MAP2K5: variants seen among roughly 807,000 people sequenced by gnomAD.
MAP2K5 encodes dual specificity mitogen-activated protein kinase kinase 5.
MAP2K5 carries 49 observed loss-of-function variants against 83.1 expected under a neutral mutation model. The ratio of observed to expected loss-of-function variants is 0.59; its 90% CI spans 0.47 to 0.75. The LOEUF is 0.75. Among genes scored for constraint, MAP2K5 ranks in the 30% least tolerant of loss-of-function variants. The pLI, the probability that MAP2K5 is intolerant of heterozygous loss-of-function variation, is 0.00. For missense variants in MAP2K5, 457 were observed against 557.5 expected (o/e 0.82, Z 1.82); for synonymous variants, 202 against 191.8 (o/e 1.05, Z -0.44).
intron 9 of MAP2K5, among the ~76,000 whole-genome samples, chr15:67,645,998 C>G (rs1246179435): frequency 6.6e-6 from 1 of 152,066 alleles, no homozygotes; most frequent in African/African-American, 2.4e-5. Context: ...ACCTTTGAGA[C>G]CTGGCTTTTT....
chr15:67,714,847 T>C (rs2088792593), intron 16 of MAP2K5, among the ~76,000 whole-genome samples: 1 of 152,172 alleles, frequency 6.6e-6, no homozygotes, highest in Non-Finnish European at 1.5e-5. Context: ...GTAAGTATAA[T>C]GCAAACATTT....
At chr15:67,721,536 G>C (rs940418276) in intron 16 of MAP2K5, among the ~76,000 whole-genome samples, 2 of 152,184 alleles carry the variant, frequency 1.3e-5, no homozygotes, top group Non-Finnish European at 2.9e-5. Flanking sequence ...TGCACTAGAA[G>C]TCTATGAGGT....
intron 11 of MAP2K5, among the ~76,000 whole-genome samples, chr15:67,653,416 G>T (rs1387767760): frequency 1.3e-5 from 2 of 151,912 alleles, no homozygotes; most frequent in African/African-American, 4.8e-5. Flanking sequence ...CTCCAGAGTA[G>T]CTGGGATTAC....
At chr15:67,628,336 T>C (rs1431233034) in intron 8 of MAP2K5, 4 of 510,860 alleles carry the variant, frequency 7.8e-6, no homozygotes, top group Admixed American at 6.5e-5. Flanking sequence ...AAAAATTAGC[T>C]GGTCGTGGTG....
Position 67,753,840 on chromosome 15 carries a change from GT to G in MAP2K5, c.1134+5241del, listed in dbSNP as rs1351024838. 2.6e-5 allele frequency among the ~76,000 whole-genome samples: 4 copies of G among 152,194 alleles called. No homozygotes were observed. In the East Asian group the frequency reaches 7.7e-4, roughly 29 times the overall value. ...AATAGAACAATTAAATGACCCAGCA[GT>G]TCCACCTCTAGGTATATATCCAAGA... On this transcript the variant is annotated intron_variant, in intron 19 of 21. Transcript: ENST00000178640.
In MAP2K5 at chr15:67,764,033, C is replaced by A. The variant is rs751380805; in HGVS notation, c.1135-5569C>A. 6.6e-6 allele frequency among the ~76,000 whole-genome samples: 1 copy of A among 152,158 alleles called. No individual in the cohort carries two copies. The highest frequency in any genetic ancestry group is 1.5e-5 in the Non-Finnish European group (1 of 68,024). On this transcript the variant is annotated intron_variant, in intron 19 of 21. Transcript: ENST00000178640. The surrounding 1 kb of genome is among the most constrained non-coding windows in gnomAD (Gnocchi z 4.9). ...ACAGGTGATTTTCTGGTGTTGAACA[C>A]CTGTTGGCTTGGTGGCTTGACACCG... is the stretch of plus-strand genomic sequence containing the variant.
chr15:67,631,594 A>G (rs1488912657), intron 9 of MAP2K5, among the ~76,000 whole-genome samples: 1 of 152,200 alleles, frequency 6.6e-6, no homozygotes, highest in African/African-American at 2.4e-5. Flanking sequence ...AACACCTGCC[A>G]ATAGAGTCAG....
intron 6 of MAP2K5, among the ~76,000 whole-genome samples, chr15:67,590,145 A>G (rs888216565): frequency 1.3e-5 from 2 of 152,156 alleles, no homozygotes; most frequent in African/African-American, 2.4e-5. Context: ...GAACCCTTGG[A>G]TGAAGACATG....
intron 9 of MAP2K5, among the ~76,000 whole-genome samples, chr15:67,645,686 T>C (rs2086816122): frequency 6.6e-6 from 1 of 151,812 alleles, no homozygotes; most frequent in Non-Finnish European, 1.5e-5. Flanking sequence ...CCCAAGTAGA[T>C]TGGGACCACC....
chr15:67,714,493 GTT>G lies in MAP2K5; in HGVS notation c.1044+11086_1044+11087del, dbSNP rs1311483508. Among the ~76,000 whole-genome samples, 9 of 137,860 alleles carry G rather than the reference GTT, an allele frequency of 6.5e-5. No individual in the cohort carries two copies. The East Asian group carries it at 1.9e-3, about 30-fold the overall frequency. 90.4% of individuals were successfully genotyped at this position (137,860 alleles called of 152,430 possible). A position where few individuals can be genotyped will look rare whatever the true frequency, so the allele number is the denominator to read the frequency against. ...CACAGCTGTTTCTAATGGGTGTGTG[GTT>G]GTGGCTTTGTTTGCTTTTCTAGCCC... On this transcript the variant is annotated intron_variant, in intron 16 of 21. Coordinates refer to ENST00000178640, the MANE Select transcript of MAP2K5 (RefSeq NM_145160.3).
intron 19 of MAP2K5, among the ~76,000 whole-genome samples, chr15:67,767,679 G>A (rs1440968503): frequency 6.6e-6 from 1 of 152,154 alleles, no homozygotes; most frequent in Non-Finnish European, 1.5e-5. Flanking sequence ...TTGATATCAT[G>A]TTTTATTTTT....
chr15:67,644,525 A>T lies in MAP2K5; in HGVS notation c.586-1706A>T, dbSNP rs2086787881. On this transcript the variant is annotated intron_variant, in intron 9 of 21. Coordinates refer to ENST00000178640, the MANE Select transcript of MAP2K5 (RefSeq NM_145160.3). This position sits in a 1 kb window ranked among gnomAD's most constrained non-coding sequence, Gnocchi z 4.6. ...TGAAATAAACTAGAATTTATTCTAG[A>T]TAAGTTTATAAATATTTTATATTTA... Among the ~76,000 whole-genome samples the T allele has an allele frequency of 6.6e-6, 1 of 152,194 alleles. No homozygotes were observed. The highest frequency in any genetic ancestry group is 2.4e-5 in the African/African-American group (1 of 41,450).
chr15:67,568,032 A>G (rs147855939), intron 3 of MAP2K5, among the ~76,000 whole-genome samples: 17 of 152,290 alleles, frequency 1.1e-4, no homozygotes, highest in African/African-American at 4.1e-4. Context: ...GTGTCTAGGG[A>G]TTTATTACAC....
At position 67,698,298 on chromosome 15, in the gene MAP2K5, C is replaced by T. The variant is rs1421598067; in HGVS notation, c.972+4730C>T. Among the ~76,000 whole-genome samples, 2 of 152,104 alleles carry T rather than the reference C, an allele frequency of 1.3e-5. No homozygotes were observed. Among genetic ancestry groups the T allele is most frequent in the African/African-American group, 4.8e-5 (2 of 41,414 alleles). On this transcript the variant is annotated intron_variant, in intron 15 of 21. Coordinates refer to ENST00000178640, the MANE Select transcript of MAP2K5 (RefSeq NM_145160.3). The surrounding 1 kb of genome is among the most constrained non-coding windows in gnomAD (Gnocchi z 4.5). The stretch of plus-strand genomic sequence containing the variant: ...TGTCCCCTGGGTTCAAGCGATTCTC[C>T]TGCCTCAGCCTCCAGAGTAGCTGGG...
chr15:67,615,940 T>C (rs2086044926), intron 8 of MAP2K5, among the ~76,000 whole-genome samples: 1 of 152,138 alleles, frequency 6.6e-6, no homozygotes, highest in African/African-American at 2.4e-5. Flanking sequence ...TTTGGGAAAA[T>C]GTAATACAAT....
At chr15:67,683,416 G>A (rs1251100019) in intron 13 of MAP2K5, among the ~76,000 whole-genome samples, 1 of 152,114 alleles carries the variant, frequency 6.6e-6, no homozygotes, top group African/African-American at 2.4e-5. Flanking sequence ...GATTCAAGGT[G>A]GTTTATGATA....
Position 67,757,671 on chromosome 15 carries a change from A to G in MAP2K5, c.1134+9070A>G, listed in dbSNP as rs2089866450. Among the ~76,000 whole-genome samples, 1 of 152,160 alleles carries G rather than the reference A, an allele frequency of 6.6e-6. No homozygotes were observed. The highest frequency in any genetic ancestry group is 2.4e-5 in the African/African-American group (1 of 41,422). The stretch of plus-strand genomic sequence containing the variant: ...GGGAGGCAGACAAGTAAACAGTCAT[A>G]TATGCAGATCACTAAACTGCAGGTA... On this transcript the variant is annotated intron_variant, in intron 19 of 21. Coordinates refer to ENST00000178640, the MANE Select transcript of MAP2K5 (RefSeq NM_145160.3). The surrounding 1 kb of genome is among the most constrained non-coding windows in gnomAD (Gnocchi z 4.9).
intron 3 of MAP2K5, 104 bp from the exon 4 acceptor site, chr15:67,580,650 A>G: frequency 1.3e-6 from 1 of 759,980 alleles, no homozygotes; most frequent in Non-Finnish European, 2.4e-6. Context: ...GCTGATATGT[A>G]TATACCAGCA....
rs1567354454 is a variant in MAP2K5, at chr15:67,677,500, G to A, written c.847+12855G>A. Among the ~76,000 whole-genome samples the A allele has an allele frequency of 6.6e-6, 1 of 152,048 alleles. No individual in the cohort carries two copies. The highest frequency in any genetic ancestry group is 1.5e-5 in the Non-Finnish European group (1 of 67,994). On this transcript the variant is annotated intron_variant, in intron 13 of 21. Transcript: ENST00000178640. This position sits in a 1 kb window ranked among gnomAD's most constrained non-coding sequence, Gnocchi z 4.2. ...AAACAAATTACCAGGATTAGTCTTC[G>A]GGACACACCGCTCCAAGTCAAGTCT...
Sources: gnomAD v4.1 joint callset for allele counts (sites outside exome capture counted in the v4.1 genomes callset) on GRCh38, gnomAD v4.1.1 for gene constraint, Gnocchi (gnomAD v3.1) non-coding constraint, MANE v1.5 for transcripts, NCBI Gene and HGNC (gene_info 2026-07-23, HGNC 2026-07-21) for gene names.